Variants in ROCK2 observed in about 807,000 individuals in gnomAD.
The protein encoded by ROCK2 is Rho associated coiled-coil containing protein kinase 2.
Under a neutral mutation model 195.1 loss-of-function variants are expected in ROCK2, and 61 were observed. The ratio of observed to expected loss-of-function variants is 0.31; its 90% CI spans 0.25 to 0.39. The LOEUF is 0.39. ROCK2 is among the 10% of genes least tolerant of loss of function. The pLI, the probability that ROCK2 is intolerant of heterozygous loss-of-function variation, is 1.00. For missense variants in ROCK2, 1,109 were observed against 1,637.4 expected, an observed-to-expected ratio of 0.68 and a Z score of 5.57; for synonymous variants, 504 against 545.5, an observed-to-expected ratio of 0.92 and a Z score of 1.06.
intron 4 of ROCK2, among the ~76,000 whole-genome samples, chr2:11,248,568 G>T (rs1572302155): frequency 6.6e-6 from 1 of 151,730 alleles, no homozygotes; most frequent in Middle Eastern, 3.4e-3. Flanking sequence ...AATTAGCCAG[G>T]CATGGTGGCA....
intron 6 of ROCK2, among the ~76,000 whole-genome samples, chr2:11,226,335 A>G (rs1388907703): frequency 6.6e-6 from 1 of 152,244 alleles, no homozygotes; most frequent in Non-Finnish European, 1.5e-5. Context: ...TGATTTGGTC[A>G]TAAAAAAGAA....
chr2:11,340,499 T>G (rs897841682), intron 1 of ROCK2, among the ~76,000 whole-genome samples: 1 of 152,126 alleles, frequency 6.6e-6, no homozygotes, highest in Non-Finnish European at 1.5e-5. Flanking sequence ...CCTATCAACA[T>G]GAAAGTTTTA....
chr2:11,263,881 G>A (rs763996293), intron 3 of ROCK2, among the ~76,000 whole-genome samples: 29 of 150,696 alleles, frequency 1.9e-4, no homozygotes, highest in Non-Finnish European at 3.4e-4. Flanking sequence ...TATTTTATAA[G>A]GTCACCTTGA....
At chr2:11,206,130 G>A (rs1459154326) in intron 20 of ROCK2, among the ~76,000 whole-genome samples, 2 of 151,908 alleles carry the variant, frequency 1.3e-5, no homozygotes, top group African/African-American at 4.8e-5. Context: ...AAGGACTGGG[G>A]AGAACAAAAT....
At position 11,235,921 on chromosome 2, in the gene ROCK2, T is replaced by C; in HGVS notation, c.504A>G (p.Val168=). ...GGTCTCCACCAGGCATGTACTCCAT[T>C]ACCATGTACAGATACCTATCATCTT... The part of the protein sequence containing the change: ...AFQDDRYLYM[V]MEYMPGGDLV... Residue 168 remains valine, a synonymous_variant, in exon 5 of 33, where the codon GTA becomes GTG. Coordinates refer to ENST00000315872, the MANE Select transcript of ROCK2 (RefSeq NM_004850.5). The surrounding 1 kb of genome is among the most constrained non-coding windows in gnomAD (Gnocchi z 4.2). 1 of 1,605,002 alleles carries C rather than the reference T, an allele frequency of 6.2e-7. No homozygotes were observed. The highest frequency in any genetic ancestry group is 8.5e-7 in the Non-Finnish European group (1 of 1,176,496).
chr2:11,226,839 A>C (rs560208629), intron 6 of ROCK2, among the ~76,000 whole-genome samples: 1 of 150,582 alleles, frequency 6.6e-6, no homozygotes, highest in African/African-American at 2.4e-5. Context: ...TGAGCCTAGA[A>C]GGTCAAGGCT....
chr2:11,334,298 G>A (rs1349119661), intron 1 of ROCK2, among the ~76,000 whole-genome samples: 1 of 152,036 alleles, frequency 6.6e-6, no homozygotes, highest in African/African-American at 2.4e-5. Context: ...GGATCACAAG[G>A]TCAGGAGTTT....
At chr2:11,294,949 G>A (rs753187287) in intron 1 of ROCK2, among the ~76,000 whole-genome samples, 27 of 151,702 alleles carry the variant, frequency 1.8e-4, no homozygotes, top group Non-Finnish European at 4.0e-4. Context: ...CACTATGCCC[G>A]GCTACTTTTT....
At chr2:11,247,069 G>GT in intron 4 of ROCK2, among the ~76,000 whole-genome samples, 1 of 152,292 alleles carries the variant, frequency 6.6e-6, no homozygotes, top group African/African-American at 2.4e-5. Flanking sequence ...ATGAATGAAT[G>GT]TCAAAACATT....
chr2:11,324,686 A>C (rs1668496022), intron 1 of ROCK2, among the ~76,000 whole-genome samples: 1 of 152,208 alleles, frequency 6.6e-6, no homozygotes, highest in Non-Finnish European at 1.5e-5. Context: ...TCTTGAAAGA[A>C]CTTGTTATTT....
In ROCK2 at chr2:11,218,982, T is replaced by C; in HGVS notation, c.1304A>G (p.Gln435Arg). 6.8e-7 allele frequency: 1 copy of C among 1,470,020 alleles called. No individual in the cohort carries two copies. The allele number at this position is 1,470,020 out of a possible 1,614,324, so 91.1% of individuals were successfully genotyped here. A position where few individuals can be genotyped will look rare whatever the true frequency, so the allele number is the denominator to read the frequency against. ...SPSCRETDSI[Q>R]SRKNEESQEI... Reference sequence around the variant, plus strand: ...TATACGTACTTCATTTTTCCTTGATTGTATGGAATCAGTTTCTCTACAAGA... The same window carrying C: ...TATACGTACTTCATTTTTCCTTGATCGTATGGAATCAGTTTCTCTACAAGA... Residue 435 changes from glutamine (Q) to arginine (R), a missense_variant, in exon 10 of 33, where the codon CAA (glutamine) becomes CGA (arginine). By Grantham distance (43) the Gln-to-Arg change is conservative. This residue lies in a region of ROCK2 where 542 missense variants were observed against 672.0 expected (regional missense o/e 0.81). Transcript: ENST00000315872.
chr2:11,283,200 G>A (rs866258690), intron 3 of ROCK2, among the ~76,000 whole-genome samples: 3 of 150,876 alleles, frequency 2.0e-5, no homozygotes, highest in South Asian at 4.2e-4. Context: ...CTCAGGAGGC[G>A]GAGGTTGCAG....
chr2:11,327,208 A>G (rs1041055309), intron 1 of ROCK2, among the ~76,000 whole-genome samples: 1 of 152,168 alleles, frequency 6.6e-6, no homozygotes, highest in Non-Finnish European at 1.5e-5. Context: ...TCTGGCAAGA[A>G]GTTTAAAGTG....
intron 15 of ROCK2, 104 bp downstream of exon 15, chr2:11,215,217 C>A: frequency 6.9e-7 from 1 of 1,449,150 alleles, no homozygotes; most frequent in Non-Finnish European, 9.2e-7. Flanking sequence ...CAAATGATTT[C>A]TAAAATTAGA....
intron 1 of ROCK2, among the ~76,000 whole-genome samples, chr2:11,324,236 A>G (rs1247319911): frequency 6.6e-6 from 1 of 152,290 alleles, no homozygotes; most frequent in Admixed American, 6.5e-5. Flanking sequence ...AGAAATCAAG[A>G]CCATCCTGGC....
chr2:11,336,242 A>G (rs2148274047), intron 1 of ROCK2, among the ~76,000 whole-genome samples: 1 of 152,298 alleles, frequency 6.6e-6, no homozygotes, highest in African/African-American at 2.4e-5. Context: ...GTACAGATAA[A>G]ACTAAAAAGA....
At position 11,181,181 on chromosome 2, in the gene ROCK2, A is replaced by ATAT. The variant is rs1662971306; in HGVS notation, c.*2255_*2256insATA. 11 of 136,160 alleles carry ATAT rather than the reference A, an allele frequency of 8.1e-5. No individual in the cohort carries two copies. The highest frequency in any genetic ancestry group is 3.8e-4 in the Admixed American group (5 of 13,224). The allele number at this position is 136,160 out of a possible 1,614,324, so 8.4% of individuals were successfully genotyped here. On this transcript the variant is annotated 3_prime_UTR_variant, in exon 33 of 33. Transcript: ENST00000315872. ...TTTCACCTTAATAAAGTTTATTAAA[A>ATAT]ATATATATATATATATATATATATA...
intron 3 of ROCK2, among the ~76,000 whole-genome samples, chr2:11,267,216 T>G (rs1666448683): frequency 6.6e-6 from 1 of 152,186 alleles, no homozygotes; most frequent in South Asian, 2.1e-4. Flanking sequence ...AATAATACAA[T>G]TAACCCTTAG....
At chr2:11,189,012 G>C (rs1467990880) in intron 32 of ROCK2, among the ~76,000 whole-genome samples, 1 of 151,660 alleles carries the variant, frequency 6.6e-6, no homozygotes, top group Non-Finnish European at 1.5e-5. Context: ...ACTCCAGCCT[G>C]GGTGACAGAG....
Sources: allele counts gnomAD v4.1 joint callset (sites outside exome capture counted in the v4.1 genomes callset), GRCh38; gene constraint gnomAD v4.1.1; regional missense constraint gnomAD v4.1.1; non-coding constraint Gnocchi (gnomAD v3.1); transcripts MANE v1.5; gene names NCBI Gene and HGNC (gene_info 2026-07-23, HGNC 2026-07-21).